VWC2: variants seen among roughly 807,000 people sequenced by gnomAD.
The protein encoded by VWC2 is von Willebrand factor C domain containing 2, also known as brorin.
VWC2 carries 14 observed loss-of-function variants against 29.8 expected under a neutral mutation model. The observed-to-expected ratio is 0.47, with a 90% confidence interval of 0.31 to 0.74. VWC2 has a LOEUF of 0.74. Among genes scored for constraint, VWC2 ranks in the 30% least tolerant of loss-of-function variants. VWC2 has a pLI of 0.05. For synonymous variants in VWC2, 213 were observed against 199.0 expected, an observed-to-expected ratio of 1.07 and a Z score of -0.59; for missense variants, 457 against 459.8, an observed-to-expected ratio of 0.99 and a Z score of 0.05.
rs144087616 is a variant in VWC2, at chr7:49,777,999, G to T, written c.696+1868G>T. 2.3e-3 allele frequency among the ~76,000 whole-genome samples: 353 copies of T among 150,824 alleles called. 1 individual carries two copies. Among genetic ancestry groups the T allele is most frequent in the Non-Finnish European group, 1.7e-3 (114 of 67,764 alleles). On this transcript the variant is annotated intron_variant, in intron 2 of 3. Transcript: ENST00000340652. ...TTTATAGTTTCATAGTAATTTTCTGGAATTGTCCTTAGAAGTAAACTGAGG... is the reference window on the plus strand; with the variant it reads ...TTTATAGTTTCATAGTAATTTTCTGTAATTGTCCTTAGAAGTAAACTGAGG...
intron 3 of VWC2, among the ~76,000 whole-genome samples, chr7:49,842,049 G>C (rs1789806783): frequency 6.6e-6 from 1 of 152,032 alleles, no homozygotes; most frequent in Admixed American, 6.6e-5. Context: ...TGTATTTTTA[G>C]TAGAAACGAG....
Position 49,918,696 on chromosome 7 carries a change from A to G in VWC2, c.*6511A>G, listed in dbSNP as rs1793852620. 1 of 152,194 alleles carries G rather than the reference A, an allele frequency of 6.6e-6. No individual in the cohort carries two copies. The highest frequency in any genetic ancestry group is 6.5e-5 in the Admixed American group (1 of 15,286). The allele number at this position is 152,194 out of a possible 1,614,324, so 9.4% of individuals were successfully genotyped here. On this transcript the variant is annotated 3_prime_UTR_variant, in exon 4 of 4. Coordinates refer to ENST00000340652, the MANE Select transcript of VWC2 (RefSeq NM_198570.5). ...CAAACACTACAATTTCAAATTTCAT[A>G]TTCTTTTATCTGATTTATTCATTTT... is the stretch of plus-strand genomic sequence containing the variant.
chr7:49,787,076 T>G (rs756083306), intron 2 of VWC2, among the ~76,000 whole-genome samples: 2 of 152,304 alleles, frequency 1.3e-5, no homozygotes, highest in South Asian at 2.1e-4. Flanking sequence ...TGGTCAGAAC[T>G]GCCCACCACC....
chr7:49,883,023 A>C (rs1791738449), intron 3 of VWC2, among the ~76,000 whole-genome samples: 1 of 152,016 alleles, frequency 6.6e-6, no homozygotes, highest in Non-Finnish European at 1.5e-5. Flanking sequence ...TACCTGGATT[A>C]ACATTCCCTC....
intron 2 of VWC2, among the ~76,000 whole-genome samples, chr7:49,801,719 C>T (rs374699510): frequency 2.1e-4 from 32 of 152,234 alleles, no homozygotes; most frequent in African/African-American, 7.2e-4. Context: ...CAGTCAGGAG[C>T]CCTCAGTGGA....
intron 2 of VWC2, among the ~76,000 whole-genome samples, chr7:49,781,475 T>C (rs1788176030): frequency 6.6e-6 from 1 of 152,240 alleles, no homozygotes; most frequent in Non-Finnish European, 1.5e-5. Flanking sequence ...TGGAGTAATT[T>C]ACACAACAGA....
At chr7:49,884,400 A>T (rs1463192952) in intron 3 of VWC2, among the ~76,000 whole-genome samples, 3 of 152,194 alleles carry the variant, frequency 2.0e-5, no homozygotes, top group African/African-American at 7.2e-5. Context: ...AAAGTCTCAA[A>T]TCTGTCTCCT....
intron 3 of VWC2, among the ~76,000 whole-genome samples, chr7:49,900,874 C>G (rs540361561): frequency 1.3e-5 from 2 of 151,942 alleles, no homozygotes; most frequent in South Asian, 4.1e-4. Flanking sequence ...AAACTATTAG[C>G]AAATTGAACC....
chr7:49,775,693 C>T lies in VWC2; in HGVS notation c.258C>T (p.Gly86=). Residue 86 remains glycine (G), a synonymous_variant, in exon 2 of 4, where the codon GGC becomes GGT. Coordinates refer to ENST00000340652, the MANE Select transcript of VWC2 (RefSeq NM_198570.5). ...WKSKSGRGLA[G]REPWSKLKQA... is the part of the protein sequence containing the mutation. ...GCAAGAGCGGCCGTGGGCTCGCCGG[C>T]CGTGAGCCGTGGAGCAAGCTGAAGC... is the stretch of plus-strand genomic sequence containing the variant. The T allele has an allele frequency of 6.6e-7, 1 of 1,523,912 alleles. No individual in the cohort carries two copies. Among genetic ancestry groups the T allele is most frequent in the Non-Finnish European group, 8.8e-7 (1 of 1,138,704 alleles). 94.4% of individuals were successfully genotyped at this position (1,523,912 alleles called of 1,614,324 possible). A position where few individuals can be genotyped will look rare whatever the true frequency, so the allele number is the denominator to read the frequency against.
chr7:49,883,919 T>C (rs1300963589), intron 3 of VWC2, among the ~76,000 whole-genome samples: 3 of 152,240 alleles, frequency 2.0e-5, no homozygotes, highest in Non-Finnish European at 4.4e-5. Flanking sequence ...GATTGTCTTC[T>C]GCTAAGAACA....
chr7:49,780,854 C>T (rs1044552073), intron 2 of VWC2, among the ~76,000 whole-genome samples: 7 of 152,120 alleles, frequency 4.6e-5, no homozygotes, highest in African/African-American at 1.4e-4. Context: ...TGACTGCCTC[C>T]GTATCTGACT....
At chr7:49,798,947 G>A (rs1431683491) in intron 2 of VWC2, among the ~76,000 whole-genome samples, 1 of 152,230 alleles carries the variant, frequency 6.6e-6, no homozygotes, top group Non-Finnish European at 1.5e-5. Context: ...CCACGTTTGA[G>A]CTGGATCCAT....
intron 3 of VWC2, among the ~76,000 whole-genome samples, chr7:49,894,881 G>A (rs955280800): frequency 1.3e-5 from 2 of 152,226 alleles, no homozygotes; most frequent in Non-Finnish European, 2.9e-5. Context: ...GGCAACTAGG[G>A]CAGCAGTAGG....
chr7:49,867,865 G>T (rs1450647323), intron 3 of VWC2, among the ~76,000 whole-genome samples: 1 of 147,138 alleles, frequency 6.8e-6, no homozygotes, highest in Non-Finnish European at 1.5e-5. Context: ...GTGGAGTCTT[G>T]CCCTGTTGCC....
intron 3 of VWC2, among the ~76,000 whole-genome samples, chr7:49,877,535 C>A (rs1286483304): frequency 1.3e-4 from 13 of 96,550 alleles, no homozygotes; most frequent in Admixed American, 2.4e-4. Flanking sequence ...TGGTCACTTG[C>A]TTACCTATTT....
Position 49,802,716 on chromosome 7 carries a change from T to A in VWC2, c.702T>A (p.Ser234=), listed in dbSNP as rs752773106. 31 of 1,614,224 alleles carry A rather than the reference T, an allele frequency of 1.9e-5. No individual in the cohort carries two copies. In the South Asian group the frequency reaches 3.3e-4, roughly 17 times the overall value. ...TYQTLEEFVV[S]PCERCRCEAN... is the part of the protein sequence containing the mutation. ...ATTGTGGGCTTGTGTTTCAGGTGTC[T>A]CCATGCGAGAGGTGTCGCTGTGAAG... The change falls in exon 3 of 4, where the codon TCT becomes TCA. Residue 234 remains serine (S), a synonymous_variant. Transcript: ENST00000340652.
intron 3 of VWC2, among the ~76,000 whole-genome samples, chr7:49,856,924 G>A (rs1389397855): frequency 2.1e-5 from 3 of 145,752 alleles, no homozygotes; most frequent in East Asian, 4.5e-4. Flanking sequence ...CAGGAGAATG[G>A]TGTGAACCTG....
intron 3 of VWC2, among the ~76,000 whole-genome samples, chr7:49,901,800 T>C (rs563732770): frequency 6.7e-6 from 1 of 149,960 alleles, no homozygotes; most frequent in South Asian, 2.1e-4. Context: ...CAGTGTGGTA[T>C]TGGCAAAAGA....
chr7:49,917,189 A>G lies in VWC2; in HGVS notation c.*5004A>G, dbSNP rs1424303716. On this transcript the variant is annotated 3_prime_UTR_variant, in exon 4 of 4. Coordinates refer to ENST00000340652, the MANE Select transcript of VWC2 (RefSeq NM_198570.5). ...AGCTGAGTCATTTGTACAGAAATATAGTAGCTTCCATAATCTGAATGATAA... is the reference window on the plus strand; with the variant it reads ...AGCTGAGTCATTTGTACAGAAATATGGTAGCTTCCATAATCTGAATGATAA... The G allele has an allele frequency of 6.6e-6, 1 of 152,218 alleles. No individual in the cohort carries two copies. Among genetic ancestry groups the G allele is most frequent in the East Asian group, 1.9e-4 (1 of 5,198 alleles). 9.4% of individuals were successfully genotyped at this position (152,218 alleles called of 1,614,324 possible). A position where few individuals can be genotyped will look rare whatever the true frequency, so the allele number is the denominator to read the frequency against.
Sources: gnomAD v4.1 joint callset for allele counts (sites outside exome capture counted in the v4.1 genomes callset) on GRCh38, gnomAD v4.1.1 for gene constraint, MANE v1.5 for transcripts, NCBI Gene and HGNC (gene_info 2026-07-23, HGNC 2026-07-21) for gene names.